Variants in SLC4A7 observed in about 807,000 individuals in gnomAD.
The protein encoded by SLC4A7 is solute carrier family 4 member 7.
SLC4A7 carries 51 observed loss-of-function variants against 137.6 expected under a neutral mutation model. The ratio of observed to expected loss-of-function variants is 0.37; its 90% CI spans 0.30 to 0.47. SLC4A7 has a LOEUF of 0.47. SLC4A7 is among the 20% of genes least tolerant of loss of function. The pLI is 1.00. For synonymous variants in SLC4A7, 542 were observed against 518.6 expected (o/e 1.05, Z -0.61); for missense variants, 1,247 against 1,525.4 (o/e 0.82, Z 3.04).
At chr3:27,474,086 T>C (rs2059368017) in intron 1 of SLC4A7, among the ~76,000 whole-genome samples, 1 of 152,212 alleles carries the variant, frequency 6.6e-6, no homozygotes, top group South Asian at 2.1e-4. Context: ...TCTCTGACTT[T>C]CTATACTCTA....
At chr3:27,479,051 T>C (rs1576695630) in intron 1 of SLC4A7, among the ~76,000 whole-genome samples, 1 of 152,084 alleles carries the variant, frequency 6.6e-6, no homozygotes, top group Non-Finnish European at 1.5e-5. Flanking sequence ...CCTGTCTGTA[T>C]TGGCATATCA....
At chr3:27,463,823 T>C (rs1308974877) in intron 1 of SLC4A7, among the ~76,000 whole-genome samples, 1 of 152,208 alleles carries the variant, frequency 6.6e-6, no homozygotes, top group African/African-American at 2.4e-5. Context: ...CATCTCACTT[T>C]GCTGTGTTGT....
At chr3:27,428,583 C>T (rs190813572) in intron 7 of SLC4A7, among the ~76,000 whole-genome samples, 51 of 152,280 alleles carry the variant, frequency 3.3e-4, no homozygotes, top group Admixed American at 9.8e-4. Context: ...AGGTTTACTT[C>T]ATAATGATAG....
At chr3:27,465,549 A>AT (rs559008944) in intron 1 of SLC4A7, among the ~76,000 whole-genome samples, 120 of 151,568 alleles carry the variant, frequency 7.9e-4, no homozygotes, top group African/African-American at 2.8e-3. Flanking sequence ...AAATTAACTG[A>AT]TTTTTTGAAA....
chr3:27,484,015 T>A, intron 1 of SLC4A7, 52 bp downstream of exon 1: 1 of 1,308,188 alleles, frequency 7.6e-7, no homozygotes, highest in East Asian at 3.3e-5. Context: ...TTTGTCTGCC[T>A]CGCCCCGCGC....
At chr3:27,479,972 G>A (rs936301945) in intron 1 of SLC4A7, among the ~76,000 whole-genome samples, 1 of 152,140 alleles carries the variant, frequency 6.6e-6, no homozygotes, top group Non-Finnish European at 1.5e-5. Flanking sequence ...GAGGAAAAGA[G>A]GAAGAAAACA....
chr3:27,436,638 G>T, intron 4 of SLC4A7, 90 bp from the exon 5 acceptor site: 7 of 593,460 alleles, frequency 1.2e-5, no homozygotes, highest in East Asian at 3.9e-5. Flanking sequence ...GTTCTTTAAA[G>T]AAAAAAAAAA....
At chr3:27,442,129 G>A (rs1459498640) in intron 3 of SLC4A7, among the ~76,000 whole-genome samples, 1 of 151,690 alleles carries the variant, frequency 6.6e-6, no homozygotes, top group Non-Finnish European at 1.5e-5. Flanking sequence ...CAGGTGATCT[G>A]CCTGCCTCAG....
intron 2 of SLC4A7, 125 bp downstream of exon 2, chr3:27,452,292 C>A (rs1032856616): frequency 1.3e-5 from 8 of 622,708 alleles, no homozygotes; most frequent in Non-Finnish European, 1.9e-5. Context: ...TCTCAATGTA[C>A]GCTTTACCTT....
chr3:27,428,916 C>G (rs1053589683), intron 7 of SLC4A7, among the ~76,000 whole-genome samples: 149 of 152,174 alleles, frequency 9.8e-4, no homozygotes, highest in African/African-American at 3.3e-3. Flanking sequence ...GATATATGTA[C>G]AAATGTACAT....
chr3:27,446,881 T>G (rs1559791553), intron 3 of SLC4A7, among the ~76,000 whole-genome samples: 14 of 92,994 alleles, frequency 1.5e-4, no homozygotes, highest in African/African-American at 5.1e-4. Flanking sequence ...TTTTGTTTTT[T>G]TTTGTTTTTT....
chr3:27,451,930 G>A (rs989048566), intron 2 of SLC4A7, among the ~76,000 whole-genome samples: 5 of 152,054 alleles, frequency 3.3e-5, no homozygotes, highest in African/African-American at 1.2e-4. Flanking sequence ...CAAAAGAAAA[G>A]AAACCATTTG....
intron 11 of SLC4A7, 99 bp downstream of exon 11, chr3:27,418,387 G>C: frequency 1.2e-6 from 1 of 854,196 alleles, no homozygotes; most frequent in Non-Finnish European, 1.8e-6. Context: ...GGACGAGGTG[G>C]GGATAAAACT....
At chr3:27,388,532 T>C (rs1304173630) in intron 22 of SLC4A7, among the ~76,000 whole-genome samples, 3 of 152,202 alleles carry the variant, frequency 2.0e-5, no homozygotes, top group Admixed American at 2.0e-4. Flanking sequence ...AACTGGGCTA[T>C]ACACAAATTT....
At chr3:27,443,103 C>T (rs1283711086) in intron 3 of SLC4A7, among the ~76,000 whole-genome samples, 1 of 140,642 alleles carries the variant, frequency 7.1e-6, no homozygotes, top group African/African-American at 2.7e-5. Context: ...GAGATCTCAG[C>T]TCACTGCAAC....
rs774624975 is a variant in SLC4A7, at chr3:27,373,839, T to C, written c.*2925A>G. The stretch of plus-strand genomic sequence containing the variant: ...CAAATCTGGTTTACAAATACATGCA[T>C]TAGCACATAAAATATTTCGTCCTAG... On this transcript the variant is annotated 3_prime_UTR_variant, in exon 26 of 26. Transcript: ENST00000454389. 1.3e-5 allele frequency: 2 copies of C among 152,578 alleles called. No homozygotes were observed. The highest frequency in any genetic ancestry group is 2.9e-5 in the Non-Finnish European group (2 of 67,982). 9.5% of individuals were successfully genotyped at this position (152,578 alleles called of 1,614,324 possible). A position where few individuals can be genotyped will look rare whatever the true frequency, so the allele number is the denominator to read the frequency against.
chr3:27,444,513 T>C (rs2057444743), intron 3 of SLC4A7, among the ~76,000 whole-genome samples: 2 of 152,208 alleles, frequency 1.3e-5, no homozygotes, highest in Admixed American at 1.3e-4. Flanking sequence ...TCATTCTCTG[T>C]GTTTCATTTT....
At position 27,484,186 on chromosome 3, in the gene SLC4A7, C is replaced by T. The variant is rs529113137; in HGVS notation, c.-60G>A. On this transcript the variant is annotated 5_prime_UTR_variant, in exon 1 of 26. Transcript: ENST00000454389. ...ACTGCCCCGCGCGGTCTGCCTGCTTCTGCCGCTGCCCCTGCCGCCGCCGCC... is the reference window on the plus strand; with the variant it reads ...ACTGCCCCGCGCGGTCTGCCTGCTTTTGCCGCTGCCCCTGCCGCCGCCGCC... 132 of 1,213,284 alleles carry T rather than the reference C, an allele frequency of 1.1e-4. 1 individual carries two copies. The South Asian group carries it at 3.7e-3, about 34-fold the overall frequency. The allele number at this position is 1,213,284 out of a possible 1,614,324, so 75.2% of individuals were successfully genotyped here.
In SLC4A7 at chr3:27,394,873, A is replaced by C. The variant is rs970793907; in HGVS notation, c.2865+81T>G. 12 of 1,537,030 alleles carry C rather than the reference A, an allele frequency of 7.8e-6. No individual in the cohort carries two copies. The Admixed American group carries it at 2.4e-4, about 31-fold the overall frequency. Reference sequence around the variant, plus strand: ...GGGAAGAAGCTAATTTTCATCTTACATCTTTTAATGTTCTAATCATTACAA... The same window carrying C: ...GGGAAGAAGCTAATTTTCATCTTACCTCTTTTAATGTTCTAATCATTACAA... On this transcript the variant is annotated intron_variant, in intron 19 of 25. Transcript: ENST00000454389.
Sources: allele counts gnomAD v4.1 joint callset (sites outside exome capture counted in the v4.1 genomes callset), GRCh38; gene constraint gnomAD v4.1.1; transcripts MANE v1.5; gene names NCBI Gene and HGNC (gene_info 2026-07-23, HGNC 2026-07-21).